XPO1: variants seen among roughly 807,000 people sequenced by gnomAD.
XPO1 encodes the protein exportin-1.
XPO1 carries 5 observed loss-of-function variants against 133.3 expected under a neutral mutation model. The ratio of observed to expected loss-of-function variants is 0.04; its 90% CI spans 0.02 to 0.08. XPO1 has a LOEUF of 0.08. XPO1 is among the 10% of genes least tolerant of loss of function. The probability of loss-of-function intolerance (pLI) is 1.00; values close to 1 mark genes in which losing one functional copy is unlikely to be tolerated. For synonymous variants in XPO1, 419 were observed against 408.2 expected, an observed-to-expected ratio of 1.03 and a Z score of -0.32; for missense variants, 506 against 1,267.5, an observed-to-expected ratio of 0.40 and a Z score of 9.12.
chr2:61,485,511 T>TACCG (rs1025969956), intron 20 of XPO1: 2 of 142,544 alleles, frequency 1.4e-5, no homozygotes, highest in African/African-American at 5.4e-5. Flanking sequence ...TAGTTGGGAC[T>TACCG]ACCGGCACAT....
At chr2:61,516,494 G>A (rs189056145) in intron 4 of XPO1, among the ~76,000 whole-genome samples, 231 of 151,560 alleles carry the variant, frequency 1.5e-3, no homozygotes, top group Admixed American at 5.8e-3. Flanking sequence ...AGCTCACCGC[G>A]ACCTCTGCCT....
chr2:61,499,546 T>C (rs1348089500), intron 7 of XPO1, among the ~76,000 whole-genome samples, 167 bp downstream of exon 7: 2 of 152,206 alleles, frequency 1.3e-5, no homozygotes, highest in East Asian at 3.8e-4. Flanking sequence ...AGAGGTAAAT[T>C]ATTAGGCCCC....
At chr2:61,535,497 C>T (rs543364287) in intron 1 of XPO1, among the ~76,000 whole-genome samples, 78 of 151,886 alleles carry the variant, frequency 5.1e-4, no homozygotes, top group Non-Finnish European at 9.7e-4. Flanking sequence ...CTTGGCAGGG[C>T]GGAAAAAAAG....
chr2:61,493,130 AC>A, intron 12 of XPO1, 77 bp from the exon 13 acceptor site: 2 of 1,425,402 alleles, frequency 1.4e-6, no homozygotes, highest in Non-Finnish European at 1.8e-6. Flanking sequence ...TTAGTTAAAA[AC>A]AAACAAAACC....
intron 9 of XPO1, 69 bp from the exon 10 acceptor site, chr2:61,497,076 T>A: frequency 2.0e-6 from 3 of 1,533,428 alleles, no homozygotes; most frequent in Middle Eastern, 1.7e-4. Flanking sequence ...AAATTCACAA[T>A]TAAAAGGAAA....
chr2:61,515,146 G>A, intron 4 of XPO1, among the ~76,000 whole-genome samples: 1 of 151,464 alleles, frequency 6.6e-6, no homozygotes, highest in East Asian at 1.9e-4. Context: ...CACATGTGAA[G>A]AGGGGCAGTG....
intron 9 of XPO1, among the ~76,000 whole-genome samples, chr2:61,498,282 C>T (rs746125942): frequency 2.0e-5 from 3 of 152,068 alleles, no homozygotes; most frequent in African/African-American, 4.8e-5. Flanking sequence ...TAGTAGAGAC[C>T]GGTTTCACCA....
chr2:61,478,449 GCTCC>G lies in XPO1; in HGVS notation c.*367_*370del, dbSNP rs1696167492. 3.7e-6 allele frequency: 1 copy of G among 270,552 alleles called. No homozygotes were observed. The highest frequency in any genetic ancestry group is 1.0e-4 in the South Asian group (1 of 9,672). 16.8% of individuals were successfully genotyped at this position (270,552 alleles called of 1,614,324 possible). The stretch of plus-strand genomic sequence containing the variant: ...GGCTGAAATAGACTAGAAGGAAAAT[GCTCC>G]CTAATTAAAAATTGGTATTGTTTAC... On this transcript the variant is annotated 3_prime_UTR_variant, in exon 25 of 25. Coordinates refer to ENST00000401558, the MANE Select transcript of XPO1 (RefSeq NM_003400.4).
intron 12 of XPO1, chr2:61,493,693 G>A: frequency 1.8e-6 from 1 of 558,110 alleles, no homozygotes; most frequent in East Asian, 3.2e-5. Context: ...AACCAATGTT[G>A]ATACTGAGAG....
intron 3 of XPO1, 140 bp from the exon 4 acceptor site, chr2:61,522,823 TAAAC>T (rs1698756019): frequency 4.6e-6 from 3 of 648,940 alleles, no homozygotes; most frequent in Non-Finnish European, 8.1e-6. Context: ...TTACACATAT[TAAAC>T]AAGTATCTAT....
At chr2:61,482,610 TTG>T (rs1474992173) in intron 22 of XPO1, 71 bp from the exon 23 acceptor site, 174 of 1,296,046 alleles carry the variant, frequency 1.3e-4, no homozygotes, top group South Asian at 1.3e-3. Context: ...TTTTTTTGTT[TTG>T]TTTTTTTTTT....
At chr2:61,535,712 T>G (rs1028119286) in intron 1 of XPO1, among the ~76,000 whole-genome samples, 1 of 152,210 alleles carries the variant, frequency 6.6e-6, no homozygotes, top group Admixed American at 6.5e-5. Context: ...TGGTCCATTA[T>G]TGACAAAACT....
At chr2:61,482,033 CCTTTT>C (rs1280136748) in intron 23 of XPO1, among the ~76,000 whole-genome samples, 17 of 86,834 alleles carry the variant, frequency 2.0e-4, no homozygotes, top group East Asian at 7.4e-4. Context: ...CCGTGCGTGG[CCTTTT>C]TTTTTTTTTT....
intron 4 of XPO1, among the ~76,000 whole-genome samples, chr2:61,506,031 C>T (rs900465282): frequency 6.6e-6 from 1 of 152,162 alleles, no homozygotes; most frequent in African/African-American, 2.4e-5. Context: ...TTGCCTAGTA[C>T]AAGGATTATT....
intron 2 of XPO1, among the ~76,000 whole-genome samples, chr2:61,531,882 G>C (rs556274836): frequency 1.2e-4 from 19 of 152,256 alleles, no homozygotes; most frequent in African/African-American, 3.6e-4. Context: ...CGCCCTAAAA[G>C]TATAAACCTG....
intron 7 of XPO1, among the ~76,000 whole-genome samples, chr2:61,499,272 G>A (rs1005141658): frequency 2.0e-5 from 3 of 152,180 alleles, no homozygotes; most frequent in Non-Finnish European, 2.9e-5. Context: ...TTGAGGCCAG[G>A]CTCTGTGGCA....
At chr2:61,485,711 C>CAG (rs1696659781) in intron 20 of XPO1, 57 bp downstream of exon 20, 7 of 1,419,336 alleles carry the variant, frequency 4.9e-6, no homozygotes, top group Non-Finnish European at 5.8e-6. Context: ...CTTTAGCTTT[C>CAG]AAGAATTAAG....
chr2:61,487,801 G>A (rs540066043), intron 19 of XPO1, among the ~76,000 whole-genome samples: 365 of 152,252 alleles, frequency 2.4e-3, no homozygotes, highest in African/African-American at 8.1e-3. Context: ...TGCTAAAGAG[G>A]TAAAGTAATG....
intron 20 of XPO1, chr2:61,485,473 ACC>A (rs3041947): frequency 1.9e-5 from 2 of 103,590 alleles, no homozygotes; most frequent in Admixed American, 1.1e-4. Flanking sequence ...GGCTCAAGTG[ACC>A]CCCCCCCCCA....
Sources: allele counts gnomAD v4.1 joint callset (sites outside exome capture counted in the v4.1 genomes callset), GRCh38; gene constraint gnomAD v4.1.1; transcripts MANE v1.5; gene names NCBI Gene and HGNC (gene_info 2026-07-23, HGNC 2026-07-21).